OPCML: variants seen among roughly 807,000 people sequenced by gnomAD.
The protein encoded by OPCML is opioid binding protein/cell adhesion molecule like.
OPCML carries 13 observed loss-of-function variants against 37.8 expected under a neutral mutation model. The observed-to-expected ratio is 0.34, with a 90% CI of 0.22 to 0.55. OPCML has a LOEUF of 0.55. OPCML is among the 20% of genes least tolerant of loss of function. The pLI, the probability that OPCML is intolerant of heterozygous loss-of-function variation, is 0.91. For missense variants in OPCML, 341 were observed against 435.6 expected (o/e 0.78, Z 1.93); for synonymous variants, 176 against 168.8 (o/e 1.04, Z -0.33).
At chr11:133,272,897 A>G (rs1413316760) in intron 1 of OPCML, among the ~76,000 whole-genome samples, 2 of 152,164 alleles carry the variant, frequency 1.3e-5, no homozygotes, top group African/African-American at 4.8e-5. Flanking sequence ...GGGCAGAAGA[A>G]ATGTTATTGC....
chr11:133,160,680 G>T (rs1359956973), intron 1 of OPCML, among the ~76,000 whole-genome samples: 1 of 152,190 alleles, frequency 6.6e-6, no homozygotes, highest in Non-Finnish European at 1.5e-5. Flanking sequence ...CGCTGCTCTG[G>T]TGCAGCATCT....
At chr11:132,614,888 C>T (rs922732465) in intron 3 of OPCML, among the ~76,000 whole-genome samples, 4 of 152,122 alleles carry the variant, frequency 2.6e-5, no homozygotes, top group Non-Finnish European at 4.4e-5. Flanking sequence ...TGTTTTAAAC[C>T]TGATTATTTT....
intron 1 of OPCML, among the ~76,000 whole-genome samples, chr11:132,997,212 CAT>C (rs1946904738): frequency 6.6e-6 from 1 of 152,222 alleles, no homozygotes; most frequent in Non-Finnish European, 1.5e-5. Flanking sequence ...CGTATCTGCA[CAT>C]GAGTCACACA....
chr11:132,896,244 C>A (rs1337896546), intron 2 of OPCML, among the ~76,000 whole-genome samples: 12 of 152,146 alleles, frequency 7.9e-5, no homozygotes, highest in Non-Finnish European at 1.5e-5. Flanking sequence ...TTAAACCCTA[C>A]TCGGACACAC....
At position 133,464,654 on chromosome 11, in the gene OPCML, G is replaced by A. The variant is rs533007513; in HGVS notation, c.61+67610C>T. ...GCAAGAAAGAGTAAGCATGAGGTGT[G>A]TGAGAAACTGAGATGAGGGCTGTGT... On this transcript the variant is annotated intron_variant, in intron 1 of 7. Transcript: ENST00000524381. 5.1e-4 allele frequency among the ~76,000 whole-genome samples: 77 copies of A among 152,306 alleles called. 1 individual carries two copies. In the South Asian group the frequency reaches 0.016, roughly 31 times the overall value.
chr11:132,844,533 G>C (rs1352019818), intron 2 of OPCML, among the ~76,000 whole-genome samples: 1 of 152,148 alleles, frequency 6.6e-6, no homozygotes, highest in Non-Finnish European at 1.5e-5. Context: ...TATATTGTAG[G>C]TCAGAAAGAC....
At chr11:133,182,528 G>A (rs775106384) in intron 1 of OPCML, among the ~76,000 whole-genome samples, 26 of 152,158 alleles carry the variant, frequency 1.7e-4, no homozygotes, top group Admixed American at 4.6e-4. Flanking sequence ...GAAAGCAGCC[G>A]CCTGGATGCT....
chr11:133,310,921 T>C (rs964660951), intron 1 of OPCML, among the ~76,000 whole-genome samples: 9 of 152,212 alleles, frequency 5.9e-5, no homozygotes, highest in African/African-American at 1.9e-4. Context: ...AATATAATGA[T>C]ATTTTAAAAG....
chr11:132,638,381 A>G (rs980767636), intron 3 of OPCML, among the ~76,000 whole-genome samples: 1 of 152,074 alleles, frequency 6.6e-6, no homozygotes, highest in Non-Finnish European at 1.5e-5. Flanking sequence ...TCAAGAGAGA[A>G]TTATATTTAG....
chr11:132,943,143 C>G lies in OPCML; in HGVS notation c.62-133G>C, dbSNP rs1424096972. The G allele has an allele frequency of 6.2e-7, 1 of 1,604,816 alleles. No individual in the cohort carries two copies. Among genetic ancestry groups the G allele is most frequent in the Admixed American group, 1.7e-5 (1 of 59,758 alleles). ...CTCCGGCAGCCGCACAGTCCTGGTCCCCCGCCCCGCGCACCAGCGGGCTCG... is the reference window on the plus strand; with the variant it reads ...CTCCGGCAGCCGCACAGTCCTGGTCGCCCGCCCCGCGCACCAGCGGGCTCG... On this transcript the variant is annotated intron_variant, in intron 1 of 7. Transcript: ENST00000524381. The surrounding 1 kb of genome is among the most constrained non-coding windows in gnomAD (Gnocchi z 4.3).
At chr11:132,513,406 A>G (rs1249020014) in intron 4 of OPCML, among the ~76,000 whole-genome samples, 1 of 152,146 alleles carries the variant, frequency 6.6e-6, no homozygotes. Context: ...ATTTGAATAC[A>G]GATTTTGCTT....
In OPCML at chr11:133,340,604, C is replaced by CTG. The variant is rs1198927456; in HGVS notation, c.61+191659_61+191660insCA. Among the ~76,000 whole-genome samples the CTG allele has an allele frequency of 6.9e-3, 735 of 106,062 alleles. 2 individuals are homozygous for CTG. Among genetic ancestry groups the CTG allele is most frequent in the Middle Eastern group, 0.016 (4 of 246 alleles). 69.6% of individuals were successfully genotyped at this position (106,062 alleles called of 152,430 possible). ...CTACTCTAGCCCACAAATTAAGACT[C>CTG]TCTCTGTGTGTGTGTGTGTGTGTGT... On this transcript the variant is annotated intron_variant, in intron 1 of 7. Coordinates refer to ENST00000524381, the MANE Select transcript of OPCML (RefSeq NM_001012393.5).
rs2095952741 is a variant in OPCML at position 132,420,153 on chromosome 11, T to C, written c.*40A>G. On this transcript the variant is annotated 3_prime_UTR_variant, in exon 8 of 8. Coordinates refer to ENST00000524381, the MANE Select transcript of OPCML (RefSeq NM_001012393.5). ...GCAGTGTAGATTAAAGTCTGTGATA[T>C]GGAGAAGCAGGCGTTGCTCAGAGGA... is the stretch of plus-strand genomic sequence containing the variant. 6.3e-7 allele frequency: 1 copy of C among 1,575,088 alleles called. No homozygotes were observed. The highest frequency in any genetic ancestry group is 8.7e-7 in the Non-Finnish European group (1 of 1,145,064).
At chr11:133,521,118 C>G (rs1948388626) in intron 1 of OPCML, among the ~76,000 whole-genome samples, 1 of 152,194 alleles carries the variant, frequency 6.6e-6, no homozygotes. Context: ...GCAAGGAGAC[C>G]TGGCAACCTG....
At chr11:133,210,268 G>A (rs1346845944) in intron 1 of OPCML, among the ~76,000 whole-genome samples, 1 of 152,132 alleles carries the variant, frequency 6.6e-6, no homozygotes, top group Non-Finnish European at 1.5e-5. Context: ...TTTTTTTAGA[G>A]AATTAGGTGT....
chr11:132,453,705 C>T (rs891664987), intron 4 of OPCML, among the ~76,000 whole-genome samples: 11 of 152,120 alleles, frequency 7.2e-5, no homozygotes, highest in Non-Finnish European at 7.4e-5. Flanking sequence ...GCTGGTTGGG[C>T]GTGGGGCTGG....
chr11:133,033,072 G>A (rs942669210), intron 1 of OPCML, among the ~76,000 whole-genome samples: 5 of 151,930 alleles, frequency 3.3e-5, no homozygotes, highest in African/African-American at 7.3e-5. Flanking sequence ...TTTGTTCAAG[G>A]ACTAAAAATA....
intron 1 of OPCML, among the ~76,000 whole-genome samples, chr11:133,393,722 C>T (rs1422170674): frequency 1.3e-5 from 2 of 152,180 alleles, no homozygotes; most frequent in East Asian, 3.9e-4. Context: ...TCTCCAATTT[C>T]CTTCATCATC....
At chr11:132,807,238 T>C (rs538315956) in intron 2 of OPCML, among the ~76,000 whole-genome samples, 483 of 152,258 alleles carry the variant, frequency 3.2e-3, no homozygotes, top group Non-Finnish European at 5.5e-3. Context: ...CTTGGTTTTT[T>C]TGGAAATACG....
Sources: gnomAD v4.1 joint callset for allele counts (sites outside exome capture counted in the v4.1 genomes callset) on GRCh38, gnomAD v4.1.1 for gene constraint, Gnocchi (gnomAD v3.1) non-coding constraint, MANE v1.5 for transcripts, NCBI Gene and HGNC (gene_info 2026-07-23, HGNC 2026-07-21) for gene names.